ACOT11: variants seen among roughly 807,000 people sequenced by gnomAD.
ACOT11 encodes the protein acyl-CoA thioesterase 11.
In ACOT11, 69 loss-of-function variants were observed where a neutral mutation model predicts 77.5. That is an observed-to-expected ratio of 0.89 (90% CI 0.73 to 1.09). The LOEUF (loss-of-function observed/expected upper bound fraction) is 1.09. ACOT11 is among the 50% of genes least tolerant of loss of function. ACOT11 has a pLI of 0.00. For synonymous variants in ACOT11, 279 were observed against 313.0 expected (o/e 0.89, Z 1.15); for missense variants, 766 against 813.7 (o/e 0.94, Z 0.71).
rs544285844 is a variant in ACOT11 at position 54,635,170 on chromosome 1, A to G, written c.*441A>G. 15 of 237,008 alleles carry G rather than the reference A, an allele frequency of 6.3e-5. No individual in the cohort carries two copies. In the South Asian group the frequency reaches 8.0e-4, roughly 13 times the overall value. 14.7% of individuals were successfully genotyped at this position (237,008 alleles called of 1,614,324 possible). A position where few individuals can be genotyped will look rare whatever the true frequency, so the allele number is the denominator to read the frequency against. ...TTAGAAAAAATGAACGTACTTATTT[A>G]GGAAGATTGCTTTGCAGAATAGGCA... is the stretch of plus-strand genomic sequence containing the variant. On this transcript the variant is annotated 3_prime_UTR_variant, in exon 17 of 17. Transcript: ENST00000371316.
At chr1:54,619,904 G>C (rs769912646) in intron 15 of ACOT11, 2 of 1,614,134 alleles carry the variant, frequency 1.2e-6, no homozygotes, top group East Asian at 4.5e-5. Flanking sequence ...TGTTGGCTGC[G>C]TGGTACCAGG....
chr1:54,634,879 CAAG>C (rs906239510), exon 17 of ACOT11: 2 of 515,194 alleles, frequency 3.9e-6, no homozygotes, highest in African/African-American at 3.9e-5. Flanking sequence ...AAGAACAGAT[CAAG>C]AAGCTGTCAC....
chr1:54,628,814 C>A (rs984713218), intron 15 of ACOT11, among the ~76,000 whole-genome samples: 1 of 132,818 alleles, frequency 7.5e-6, no homozygotes, highest in African/African-American at 2.6e-5. Flanking sequence ...AATCCCAACA[C>A]TTTGGGAGGC....
At position 54,573,219 on chromosome 1, in the gene ACOT11, A is replaced by G. The variant is rs1291809134; in HGVS notation, c.34-11436A>G. 3.0e-6 allele frequency: 3 copies of G among 985,320 alleles called. No individual in the cohort carries two copies. The East Asian group carries it at 3.4e-4, about 112-fold the overall frequency. 61.0% of individuals were successfully genotyped at this position (985,320 alleles called of 1,614,324 possible). A position where few individuals can be genotyped will look rare whatever the true frequency, so the allele number is the denominator to read the frequency against. ...GCAACTGTCCTGCCTGCCAGATGAG[A>G]GAGAAGCAGTTGTACAAAGTGGTCA... On this transcript the variant is annotated intron_variant, in intron 1 of 15. Transcript: ENST00000343744.
intron 1 of ACOT11, chr1:54,573,312 T>G (rs1653987567): frequency 2.3e-6 from 2 of 884,718 alleles, no homozygotes; most frequent in Non-Finnish European, 2.7e-6. Flanking sequence ...CCTGGCTGTG[T>G]GATTTTGTGT....
intron 1 of ACOT11, among the ~76,000 whole-genome samples, chr1:54,563,959 G>A (rs932997125): frequency 6.6e-6 from 1 of 152,018 alleles, no homozygotes; most frequent in African/African-American, 2.4e-5. Flanking sequence ...CCAGCTACTC[G>A]GGAGGCTGAG....
intron 15 of ACOT11, among the ~76,000 whole-genome samples, chr1:54,619,620 G>A (rs973921850): frequency 6.6e-6 from 1 of 152,178 alleles, no homozygotes. Flanking sequence ...GGGTAGCTGG[G>A]AGGGAGGACA....
Position 54,609,609 on chromosome 1 carries a change from G to C in ACOT11, c.*497G>C, listed in dbSNP as rs765191802. On this transcript the variant is annotated 3_prime_UTR_variant, in exon 16 of 16. Transcript: ENST00000343744. ...GGCCAGCCTGGTGCCACAGTCACGT[G>C]GGGGAAGACCTCAGCCACAGCTGTA... The C allele has an allele frequency of 4.6e-5, 75 of 1,613,324 alleles. No homozygotes were observed. The highest frequency in any genetic ancestry group is 6.0e-5 in the Non-Finnish European group (71 of 1,180,034).
Position 54,584,844 on chromosome 1 carries a change from A to G in ACOT11, c.223A>G (p.Thr75Ala). 1 of 1,613,464 alleles carries G rather than the reference A, an allele frequency of 6.2e-7. No homozygotes were observed. The highest frequency in any genetic ancestry group is 8.5e-7 in the Non-Finnish European group (1 of 1,179,814). Residue 75 changes from threonine (T) to alanine (A), a missense_variant, in exon 2 of 16, where the codon ACC becomes GCC. Coordinates refer to ENST00000343744, the MANE Select transcript of ACOT11 (RefSeq NM_147161.4). This position sits in a 1 kb window ranked among gnomAD's most constrained non-coding sequence, Gnocchi z 6.3. ...CGGGCAGCTGCTCAAGTGGATTGAC[A>G]CCACGGCTTGCCTGTCCGGTAAGGC... ...SVGQLLKWIDTTACLSAERHA... is the reference protein window; with the variant it reads ...SVGQLLKWIDATACLSAERHA...
chr1:54,633,047 A>T (rs1007688467), intron 16 of ACOT11, among the ~76,000 whole-genome samples: 1 of 152,230 alleles, frequency 6.6e-6, no homozygotes, highest in African/African-American at 2.4e-5. Context: ...GTATGGGACT[A>T]GAAAAAGATT....
chr1:54,618,141 G>T (rs779863678), intron 15 of ACOT11, among the ~76,000 whole-genome samples: 2 of 152,100 alleles, frequency 1.3e-5, no homozygotes, highest in Non-Finnish European at 2.9e-5. Context: ...CTGGGCTGTT[G>T]CCTGGCAACA....
At chr1:54,568,358 CTTTT>C (rs71045196) in intron 1 of ACOT11, among the ~76,000 whole-genome samples, 1 of 80,548 alleles carries the variant, frequency 1.2e-5, no homozygotes, top group Admixed American at 1.4e-4. Flanking sequence ...TTCCCAGCAC[CTTTT>C]TTTTTTTTTT....
downstream of ACOT11, chr1:54,610,824 T>G (rs2101013754): frequency 1.0e-6 from 1 of 985,412 alleles, no homozygotes; most frequent in Non-Finnish European, 1.2e-6. Flanking sequence ...CTCGCTTAGG[T>G]GGCTCCCATG....
intron 1 of ACOT11, among the ~76,000 whole-genome samples, chr1:54,549,854 G>T (rs1028797128): frequency 6.6e-6 from 1 of 152,162 alleles, no homozygotes; most frequent in Admixed American, 6.5e-5. Context: ...AGGAGGGAGG[G>T]GCTCCTCGTA....
In ACOT11 at chr1:54,609,959, G is replaced by A. The variant is rs1310003494; in HGVS notation, c.*847G>A. The A allele has an allele frequency of 6.3e-7, 1 of 1,594,296 alleles. No homozygotes were observed. The highest frequency in any genetic ancestry group is 8.5e-7 in the Non-Finnish European group (1 of 1,174,994). On this transcript the variant is annotated 3_prime_UTR_variant, in exon 16 of 16. Transcript: ENST00000343744. Reference sequence around the variant, plus strand: ...TTCTGTGTCTGGAAGAGGCGGCAGAGGCAACAGTGTTTAGGATTTGGGTTA... The same window carrying A: ...TTCTGTGTCTGGAAGAGGCGGCAGAAGCAACAGTGTTTAGGATTTGGGTTA...
rs374607044 is a variant in ACOT11, at chr1:54,594,544, C to G, written c.472-12C>G. ...GCCCTGAGTGTCCCCCACCCTGTCC[C>G]CTGGCCGACAGGTGAAGCTGAAGCA... On this transcript the variant is annotated splice_polypyrimidine_tract_variant and intron_variant, in intron 5 of 15. Transcript: ENST00000343744. The G allele has an allele frequency of 6.2e-7, 1 of 1,609,292 alleles. No homozygotes were observed.
At chr1:54,561,151 G>C (rs34667193) in intron 1 of ACOT11, among the ~76,000 whole-genome samples, 47,525 of 142,626 alleles carry the variant, frequency 0.33, 9,484 homozygotes, top group Non-Finnish European at 0.46. Flanking sequence ...TTCTCACAGA[G>C]GGGGATTTGG....
At chr1:54,578,288 T>C (rs1654185447) in intron 1 of ACOT11, among the ~76,000 whole-genome samples, 1 of 152,122 alleles carries the variant, frequency 6.6e-6, no homozygotes, top group African/African-American at 2.4e-5. Flanking sequence ...GCTCTCTCCA[T>C]GCAATGTTGG....
intron 1 of ACOT11, among the ~76,000 whole-genome samples, chr1:54,562,187 C>G (rs1336007633): frequency 1.3e-5 from 1 of 77,366 alleles, no homozygotes; most frequent in Non-Finnish European, 2.4e-5. Context: ...CGCCCCTCAC[C>G]TCCCAGACGG....
Sources: gnomAD v4.1 joint callset for allele counts (sites outside exome capture counted in the v4.1 genomes callset) on GRCh38, gnomAD v4.1.1 for gene constraint, Gnocchi (gnomAD v3.1) non-coding constraint, MANE v1.5 for transcripts, NCBI Gene and HGNC (gene_info 2026-07-23, HGNC 2026-07-21) for gene names.